The following KLF8 variants were observed in gnomAD, a reference collection of about 807,000 sequenced individuals.
KLF8 encodes the protein Krueppel-like factor 8.
A neutral mutation model predicts 18.2 loss-of-function variants in KLF8; 10 were observed. The observed-to-expected ratio is 0.55, with a 90% CI of 0.34 to 0.93. The LOEUF (loss-of-function observed/expected upper bound fraction) is 0.93. Among genes scored for constraint, KLF8 ranks in the 40% least tolerant of loss-of-function variants. KLF8 has a pLI of 0.02. For missense variants in KLF8, 264 were observed against 277.9 expected, an observed-to-expected ratio of 0.95 and a Z score of 0.36; for synonymous variants, 109 against 97.3, an observed-to-expected ratio of 1.12 and a Z score of -0.71.
At chrX:56,088,344 G>C in the KLF8 span, among the ~76,000 whole-genome samples, 14,159 of 110,533 alleles carry the variant, frequency 0.13, 1,619 homozygotes, top group African/African-American at 0.38. Context: ...CTATTATAAA[G>C]GAGGTGTGAA....
At chrX:56,066,469 G>T in the KLF8 span, among the ~76,000 whole-genome samples, 1 of 112,076 alleles carries the variant, frequency 8.9e-6, no homozygotes, top group African/African-American at 3.2e-5. Flanking sequence ...TTGCTTCCCT[G>T]ATGCTCAGGA....
chrX:56,220,441 T>C, the KLF8 span, among the ~76,000 whole-genome samples: 1 of 111,482 alleles, frequency 9.0e-6, no homozygotes, highest in African/African-American at 3.3e-5. Flanking sequence ...GATACTGAAG[T>C]TGGTTTGCTT....
At chrX:56,170,467 T>C in the KLF8 span, among the ~76,000 whole-genome samples, 4 of 110,004 alleles carry the variant, frequency 3.6e-5, no homozygotes, top group Non-Finnish European at 5.7e-5. Flanking sequence ...CAGAATTCTG[T>C]CAGACAAATG....
the KLF8 span, among the ~76,000 whole-genome samples, chrX:56,052,402 A>G: frequency 8.1e-5 from 9 of 111,118 alleles, no homozygotes; most frequent in African/African-American, 2.9e-4. Flanking sequence ...TTGTGGTTTT[A>G]TCTACTTTTG....
At chrX:56,057,135 G>A in the KLF8 span, among the ~76,000 whole-genome samples, 1 of 111,925 alleles carries the variant, frequency 8.9e-6, no homozygotes, top group Non-Finnish European at 1.9e-5. Flanking sequence ...CATGATGGTG[G>A]TGGTGTTGGC....
the KLF8 span, among the ~76,000 whole-genome samples, chrX:56,078,880 T>C: frequency 1.8e-5 from 2 of 111,326 alleles, no homozygotes; most frequent in South Asian, 3.8e-4. Flanking sequence ...GGAGAGTGTA[T>C]GTGTCCAGGA....
At chrX:56,198,459 G>A in the KLF8 span, among the ~76,000 whole-genome samples, 2 of 111,828 alleles carry the variant, frequency 1.8e-5, no homozygotes, top group South Asian at 3.8e-4. Flanking sequence ...CAAACAGAGA[G>A]CCAAATCCTG....
chrX:56,184,572 C>G, the KLF8 span, among the ~76,000 whole-genome samples: 4 of 112,354 alleles, frequency 3.6e-5, no homozygotes, highest in Non-Finnish European at 5.6e-5. Flanking sequence ...ACTGCCTCCT[C>G]AAGTGCGTCC....
the KLF8 span, among the ~76,000 whole-genome samples, chrX:56,147,748 G>A: frequency 8.9e-6 from 1 of 112,288 alleles, no homozygotes; most frequent in East Asian, 2.8e-4. Flanking sequence ...GGAGACCGAG[G>A]TGGGTGGATC....
At chrX:56,109,830 G>C in the KLF8 span, among the ~76,000 whole-genome samples, 1 of 109,646 alleles carries the variant, frequency 9.1e-6, no homozygotes, top group Admixed American at 9.8e-5. Context: ...AGGATGTGTA[G>C]GTTTGTTACA....
the KLF8 span, among the ~76,000 whole-genome samples, chrX:56,153,880 G>A: frequency 1.8e-5 from 2 of 111,382 alleles, no homozygotes; most frequent in East Asian, 5.6e-4. Flanking sequence ...CAAGGGATGT[G>A]AAGGACCTCT....
chrX:56,098,916 G>A, the KLF8 span, among the ~76,000 whole-genome samples: 18 of 111,810 alleles, frequency 1.6e-4, no homozygotes, highest in African/African-American at 4.9e-4. Flanking sequence ...ACAAAAATCC[G>A]TTGCATTTCT....
chrX:56,207,847 T>C, the KLF8 span, among the ~76,000 whole-genome samples: 1 of 110,511 alleles, frequency 9.0e-6, no homozygotes. Context: ...TCTGTTCTCA[T>C]GCTGCTTACA....
the KLF8 span, among the ~76,000 whole-genome samples, chrX:55,933,269 T>G: frequency 8.9e-6 from 1 of 112,004 alleles, no homozygotes; most frequent in African/African-American, 3.2e-5. Context: ...AGTCACCATT[T>G]AAAACACATA....
chrX:55,983,078 C>T, the KLF8 span, among the ~76,000 whole-genome samples: 1 of 111,477 alleles, frequency 9.0e-6, no homozygotes, highest in Non-Finnish European at 1.9e-5. Context: ...GAAAAAGTAT[C>T]CTACCTAAAA....
Position 56,250,236 on chromosome X carries a change from G to A in KLF8, c.13G>A (p.Asp5Asn), listed in dbSNP as rs750116979. MVDM[D>N]KLINNLEVQL... is the part of the protein sequence containing the mutation. Reference sequence around the variant, plus strand: ...TTTCCTTTTCTCTTTTCCAGATATGGATAAACTCATAAACAACTTGGAGGT... The same window carrying A: ...TTTCCTTTTCTCTTTTCCAGATATGAATAAACTCATAAACAACTTGGAGGT... The change falls in exon 2 of 6, where the codon GAT becomes AAT. Residue 5 changes from aspartate (D) to asparagine (N), a missense_variant. By Grantham distance (23) the Asp-to-Asn change is conservative. Coordinates refer to ENST00000468660, the MANE Select transcript of KLF8 (RefSeq NM_007250.5). 8.3e-7 allele frequency: 1 copy of A among 1,200,531 alleles called. No individual in the cohort carries two copies. Among genetic ancestry groups the A allele is most frequent in the Non-Finnish European group, 1.1e-6 (1 of 886,348 alleles).
chrX:55,965,051 T>C, the KLF8 span, among the ~76,000 whole-genome samples: 1 of 111,695 alleles, frequency 9.0e-6, no homozygotes, highest in African/African-American at 3.3e-5. Flanking sequence ...TAATTCATTC[T>C]ATGAGGCCAG....
the KLF8 span, among the ~76,000 whole-genome samples, chrX:56,221,343 T>A: frequency 9.0e-6 from 1 of 111,571 alleles, no homozygotes; most frequent in African/African-American, 3.3e-5. Context: ...AATATGAACA[T>A]GCAAAAAGGA....
the KLF8 span, among the ~76,000 whole-genome samples, chrX:56,005,099 G>A: frequency 9.1e-6 from 1 of 109,356 alleles, no homozygotes; most frequent in Admixed American, 9.9e-5. Context: ...CTGGAATGCA[G>A]TGGTGCGGTC....
Sources: gnomAD v4.1 joint callset for allele counts (sites outside exome capture counted in the v4.1 genomes callset) on GRCh38, gnomAD v4.1.1 for gene constraint, MANE v1.5 for transcripts, NCBI Gene and HGNC (gene_info 2026-07-23, HGNC 2026-07-21) for gene names.